RCBTB2: variants seen among roughly 807,000 people sequenced by gnomAD.
RCBTB2 encodes RCC1 and BTB domain-containing protein 2.
In RCBTB2, 55 loss-of-function variants were observed where a neutral mutation model predicts 65.4. The observed-to-expected ratio is 0.84, with a 90% CI of 0.68 to 1.05. RCBTB2 has a LOEUF of 1.05. RCBTB2 is among the 50% of genes least tolerant of loss of function. The pLI, the probability that RCBTB2 is intolerant of heterozygous loss-of-function variation, is 0.00. For missense variants in RCBTB2, 599 were observed against 680.1 expected, an observed-to-expected ratio of 0.88 and a Z score of 1.33; for synonymous variants, 220 against 255.2, an observed-to-expected ratio of 0.86 and a Z score of 1.31.
rs758061307 is a variant in RCBTB2, at chr13:48,528,637, T to C, written c.-218-3880A>G. On this transcript the variant is annotated intron_variant, in intron 1 of 14. Coordinates refer to ENST00000344532, the MANE Select transcript of RCBTB2 (RefSeq NM_001268.4). ...TCCTTAGGTGAGTCATTAGATAGTA[T>C]CTTTAATAGCTTTTTAAGGGTCATC... Among the ~76,000 whole-genome samples, 8 of 152,302 alleles carry C rather than the reference T, an allele frequency of 5.3e-5. No individual in the cohort carries two copies. The East Asian group carries it at 1.3e-3, about 26-fold the overall frequency.
At chr13:48,493,202 T>C (rs1263221087) in intron 14 of RCBTB2, among the ~76,000 whole-genome samples, 3 of 140,224 alleles carry the variant, frequency 2.1e-5, no homozygotes, top group Non-Finnish European at 4.5e-5. Context: ...TACTGGATTA[T>C]ACAGCCTCCT....
intron 1 of RCBTB2, chr13:48,532,569 G>GC (rs111449389): frequency 0.016 from 2,745 of 171,040 alleles, 71 homozygotes; most frequent in African/African-American, 0.057. Context: ...GACCTGTGAC[G>GC]CCCCCCCAGC....
Position 48,518,458 on chromosome 13 carries a change from C to CAA in RCBTB2, c.43-2719_43-2718dup, listed in dbSNP as rs58455074. Reference sequence around the variant, plus strand: ...TTTACTTTAATTACAGAGTACTTTGCAAAAAAAAAAAAAAATATATATATA... The same window carrying CAA: ...TTTACTTTAATTACAGAGTACTTTGCAAAAAAAAAAAAAAAAATATATATATA... On this transcript the variant is annotated intron_variant, in intron 4 of 14. Transcript: ENST00000344532. Among the ~76,000 whole-genome samples, 151 of 98,348 alleles carry CAA rather than the reference C, an allele frequency of 1.5e-3. 1 individual carries two copies. The highest frequency in any genetic ancestry group is 3.3e-3 in the East Asian group (11 of 3,364). The allele number at this position is 98,348 out of a possible 152,430, so 64.5% of individuals were successfully genotyped here. A position where few individuals can be genotyped will look rare whatever the true frequency, so the allele number is the denominator to read the frequency against.
At chr13:48,513,149 C>T (rs1950899836) in intron 6 of RCBTB2, among the ~76,000 whole-genome samples, 1 of 152,092 alleles carries the variant, frequency 6.6e-6, no homozygotes, top group Non-Finnish European at 1.5e-5. Flanking sequence ...TAATAAAGAG[C>T]AGAGAAAAGG....
intron 14 of RCBTB2, among the ~76,000 whole-genome samples, chr13:48,491,388 G>A (rs1949693993): frequency 6.6e-6 from 1 of 152,150 alleles, no homozygotes; most frequent in South Asian, 2.1e-4. Flanking sequence ...TACCACACCA[G>A]CAATATGATG....
intron 3 of RCBTB2, 51 bp downstream of exon 3, chr13:48,522,257 A>G: frequency 8.3e-7 from 1 of 1,200,334 alleles, no homozygotes. Context: ...TCAGTAGAAA[A>G]TTTTCATTTC....
chr13:48,502,807 G>C lies in RCBTB2; in HGVS notation c.1034C>G (p.Pro345Arg). 6.2e-7 allele frequency: 1 copy of C among 1,614,196 alleles called. No homozygotes were observed. Among genetic ancestry groups the C allele is most frequent in the East Asian group, 2.2e-5 (1 of 44,890 alleles). The change falls in exon 11 of 15, where the codon CCG (proline) becomes CGG (arginine). Residue 345 changes from proline to arginine, a missense_variant. Coordinates refer to ENST00000344532, the MANE Select transcript of RCBTB2 (RefSeq NM_001268.4). Reference protein sequence around the residue: ...GQCRGQSVILPHLTHFSCTDD... With the variant: ...GQCRGQSVILRHLTHFSCTDD... ...AGTGCAGGAGAAGTGGGTGAGGTGCGGGAGGATCACGGACTGACCCCGGCA... is the reference window on the plus strand; with the variant it reads ...AGTGCAGGAGAAGTGGGTGAGGTGCCGGAGGATCACGGACTGACCCCGGCA...
At chr13:48,496,838 G>A in intron 13 of RCBTB2, among the ~76,000 whole-genome samples, 1 of 129,700 alleles carries the variant, frequency 7.7e-6, no homozygotes, top group Admixed American at 7.4e-5. Flanking sequence ...GGGGAGAGGA[G>A]GAGAGGGGAG....
At chr13:48,528,231 T>C (rs1408215431) in intron 1 of RCBTB2, among the ~76,000 whole-genome samples, 1 of 152,176 alleles carries the variant, frequency 6.6e-6, no homozygotes, top group Non-Finnish European at 1.5e-5. Flanking sequence ...GCTGACATTT[T>C]GCAGTTAATC....
intron 10 of RCBTB2, among the ~76,000 whole-genome samples, 160 bp downstream of exon 10, chr13:48,510,469 C>T (rs1010068033): frequency 3.9e-5 from 6 of 152,138 alleles, no homozygotes; most frequent in Admixed American, 3.9e-4. Context: ...ATCAACCTCC[C>T]CAACAATTCC....
intron 9 of RCBTB2, among the ~76,000 whole-genome samples, chr13:48,511,084 A>G (rs1241456535): frequency 3.9e-5 from 6 of 152,200 alleles, no homozygotes; most frequent in Non-Finnish European, 8.8e-5. Flanking sequence ...TTTTTTGATT[A>G]TAAAAGTAAA....
rs773819158 is a variant in RCBTB2, at chr13:48,493,311, A to ACTCTCTCTCTCTCTCTCTCT, written c.1515+2879_1515+2880insAGAGAGAGAGAGAGAGAGAG. On this transcript the variant is annotated intron_variant, in intron 14 of 14. Coordinates refer to ENST00000344532, the MANE Select transcript of RCBTB2 (RefSeq NM_001268.4). ...TCTCCACACACACACACACACACAC[A>ACTCTCTCTCTCTCTCTCTCT]CACACTCTCTCTCTCTCTCTCTCTC... Among the ~76,000 whole-genome samples, 227 of 57,330 alleles carry ACTCTCTCTCTCTCTCTCTCT rather than the reference A, an allele frequency of 4.0e-3. 2 individuals are homozygous for ACTCTCTCTCTCTCTCTCTCT. The highest frequency in any genetic ancestry group is 0.02 in the East Asian group (36 of 1,766). The allele number at this position is 57,330 out of a possible 152,430, so 37.6% of individuals were successfully genotyped here.
At chr13:48,509,543 C>G (rs1406151069) in intron 10 of RCBTB2, among the ~76,000 whole-genome samples, 2 of 152,178 alleles carry the variant, frequency 1.3e-5, no homozygotes, top group African/African-American at 2.4e-5. Flanking sequence ...AGGCATCTAC[C>G]TGCACCACCT....
chr13:48,531,503 A>T (rs145951611), intron 1 of RCBTB2, among the ~76,000 whole-genome samples: 4 of 152,216 alleles, frequency 2.6e-5, no homozygotes, highest in Non-Finnish European at 5.9e-5. Context: ...CAAGACTTAA[A>T]TAAAGTTCTG....
intron 1 of RCBTB2, among the ~76,000 whole-genome samples, chr13:48,527,361 T>TATGATATATATATATATATCA: frequency 8.9e-6 from 1 of 112,446 alleles, no homozygotes; most frequent in African/African-American, 5.5e-5. Context: ...TGATATATAT[T>TATGATATATATATATATATCA]TATATATGAT....
intron 1 of RCBTB2, among the ~76,000 whole-genome samples, chr13:48,529,567 C>A (rs961128445): frequency 3.9e-5 from 6 of 152,150 alleles, no homozygotes; most frequent in African/African-American, 1.4e-4. Flanking sequence ...GTAAAAGAAA[C>A]CCACTCTAAT....
chr13:48,523,719 C>A (rs1033433211), intron 2 of RCBTB2, among the ~76,000 whole-genome samples: 1 of 152,126 alleles, frequency 6.6e-6, no homozygotes, highest in African/African-American at 2.4e-5. Context: ...CTACCCTAGG[C>A]CCCCTTTCGT....
At position 48,512,845 on chromosome 13, in the gene RCBTB2, C is replaced by T. The variant is rs1566300720; in HGVS notation, c.400G>A (p.Gly134Arg). 6 of 1,613,964 alleles carry T rather than the reference C, an allele frequency of 3.7e-6. No individual in the cohort carries two copies. Among genetic ancestry groups the T allele is most frequent in the Non-Finnish European group, 5.1e-6 (6 of 1,179,862 alleles). Reference protein sequence around the residue: ...GHNAYSQLGNGTTNHGLVPCH... With the variant: ...GHNAYSQLGNRTTNHGLVPCH... ...GGCACTAAACCATGATTAGTTGTCCCATTGCCCAGCTGGCTATAAGCATTA... is the reference window on the plus strand; with the variant it reads ...GGCACTAAACCATGATTAGTTGTCCTATTGCCCAGCTGGCTATAAGCATTA... Residue 134 changes from glycine to arginine, a missense_variant, in exon 7 of 15, where the codon GGG becomes AGG. Transcript: ENST00000344532.
rs958046159 is a variant in RCBTB2 at position 48,489,170 on chromosome 13, T to C, written c.*941A>G. On this transcript the variant is annotated 3_prime_UTR_variant, in exon 15 of 15. Coordinates refer to ENST00000344532, the MANE Select transcript of RCBTB2 (RefSeq NM_001268.4). ...TACAAATTTATCTCATTCTTGTTAA[T>C]GCTGTCCATGAAATGTAAGTATCAG... is the stretch of plus-strand genomic sequence containing the variant. 1 of 152,244 alleles carries C rather than the reference T, an allele frequency of 6.6e-6. No homozygotes were observed. Among genetic ancestry groups the C allele is most frequent in the Non-Finnish European group, 1.5e-5 (1 of 68,048 alleles). The allele number at this position is 152,244 out of a possible 1,614,324, so 9.4% of individuals were successfully genotyped here. A position where few individuals can be genotyped will look rare whatever the true frequency, so the allele number is the denominator to read the frequency against.
Sources: allele counts gnomAD v4.1 joint callset (sites outside exome capture counted in the v4.1 genomes callset), GRCh38; gene constraint gnomAD v4.1.1; transcripts MANE v1.5; gene names NCBI Gene and HGNC (gene_info 2026-07-23, HGNC 2026-07-21).